SMYD3: variants seen among roughly 807,000 people sequenced by gnomAD.
SMYD3 encodes the protein SET and MYND domain containing 3.
Under a neutral mutation model 57.7 loss-of-function variants are expected in SMYD3, and 36 were observed. That is an observed-to-expected ratio of 0.62 (90% CI 0.48 to 0.82). The LOEUF (loss-of-function observed/expected upper bound fraction) is 0.82, where lower values mean the gene tolerates loss of function less well. Ranked by LOEUF, SMYD3 falls within the 40% of genes least tolerant of loss-of-function variation. SMYD3 has a pLI of 0.00. For synonymous variants in SMYD3, 211 were observed against 195.0 expected (o/e 1.08, Z -0.68); for missense variants, 515 against 538.8 (o/e 0.96, Z 0.44).
At chr1:246,384,988 A>G (rs986468524) in intron 1 of SMYD3, among the ~76,000 whole-genome samples, 3 of 152,214 alleles carry the variant, frequency 2.0e-5, no homozygotes, top group African/African-American at 7.2e-5. Flanking sequence ...CAAATTTATA[A>G]TAAAGAAATC....
At chr1:246,334,903 G>A (rs1299987810) in intron 3 of SMYD3, among the ~76,000 whole-genome samples, 1 of 152,110 alleles carries the variant, frequency 6.6e-6, no homozygotes, top group East Asian at 1.9e-4. Flanking sequence ...GAAGCTGTGA[G>A]GCATCATATG....
intron 10 of SMYD3, among the ~76,000 whole-genome samples, chr1:245,802,640 T>C (rs913965607): frequency 1.3e-5 from 2 of 152,218 alleles, no homozygotes; most frequent in African/African-American, 4.8e-5. Context: ...CAGAGCTTTC[T>C]GGATAATAAG....
chr1:246,231,474 GA>G (rs984587160), intron 5 of SMYD3, among the ~76,000 whole-genome samples: 1 of 152,066 alleles, frequency 6.6e-6, no homozygotes, highest in Admixed American at 6.6e-5. Flanking sequence ...ACAGTATTCA[GA>G]AAAGTTTCTA....
chr1:246,381,840 C>T (rs904125171), intron 1 of SMYD3, among the ~76,000 whole-genome samples: 1 of 152,164 alleles, frequency 6.6e-6, no homozygotes, highest in Admixed American at 6.5e-5. Flanking sequence ...CCAGGCCAAC[C>T]GCAGGCTCCA....
chr1:246,009,112 G>A (rs1324952916), intron 5 of SMYD3, among the ~76,000 whole-genome samples: 7 of 152,082 alleles, frequency 4.6e-5, no homozygotes, highest in Admixed American at 3.3e-4. Flanking sequence ...AAATAATGGT[G>A]GTAAAACCAG....
chr1:245,880,085 C>T (rs750109444), intron 8 of SMYD3, among the ~76,000 whole-genome samples: 7 of 152,196 alleles, frequency 4.6e-5, no homozygotes, highest in African/African-American at 1.2e-4. Context: ...TTGCTGTACA[C>T]GCCAGAGATA....
At chr1:246,373,524 G>A (rs1294752748) in intron 1 of SMYD3, among the ~76,000 whole-genome samples, 1 of 152,092 alleles carries the variant, frequency 6.6e-6, no homozygotes, top group Non-Finnish European at 1.5e-5. Context: ...AACATGAGAA[G>A]CTGACAACTT....
intron 5 of SMYD3, among the ~76,000 whole-genome samples, chr1:246,094,113 C>T (rs974187394): frequency 3.9e-5 from 6 of 152,224 alleles, no homozygotes; most frequent in South Asian, 4.2e-4. Context: ...CTACTCCAGC[C>T]GCTGTCATGG....
intron 1 of SMYD3, among the ~76,000 whole-genome samples, chr1:246,405,909 CAAAA>C (rs372884120): frequency 1.1e-5 from 1 of 87,420 alleles, no homozygotes; most frequent in Admixed American, 1.4e-4. Context: ...GACTCTGTCT[CAAAA>C]AAAAAAAAAA....
intron 1 of SMYD3, among the ~76,000 whole-genome samples, chr1:246,435,198 A>C (rs1246150610): frequency 2.0e-5 from 3 of 152,218 alleles, no homozygotes; most frequent in African/African-American, 4.8e-5. Context: ...GGATTGAAAA[A>C]TTATTGGGTA....
chr1:246,403,687 G>C (rs574148636), intron 1 of SMYD3, among the ~76,000 whole-genome samples: 10 of 152,258 alleles, frequency 6.6e-5, no homozygotes, highest in African/African-American at 2.4e-4. Context: ...ATAAAGTGTG[G>C]TCTATGCTAT....
intron 1 of SMYD3, among the ~76,000 whole-genome samples, chr1:246,381,755 G>T (rs1221271098): frequency 6.6e-6 from 1 of 152,206 alleles, no homozygotes; most frequent in Non-Finnish European, 1.5e-5. Flanking sequence ...AATAACTGTT[G>T]ACACTTTTAG....
chr1:246,503,265 T>G (rs2068484448), intron 1 of SMYD3, among the ~76,000 whole-genome samples: 1 of 152,228 alleles, frequency 6.6e-6, no homozygotes, highest in Admixed American at 6.5e-5. Context: ...TGGGAGGCAC[T>G]AAGCCTCATT....
intron 1 of SMYD3, among the ~76,000 whole-genome samples, chr1:246,503,465 T>G (rs559773831): frequency 1.3e-5 from 2 of 152,312 alleles, no homozygotes; most frequent in South Asian, 4.1e-4. Context: ...TCCCATGTGG[T>G]AGGCCCTGGG....
intron 5 of SMYD3, among the ~76,000 whole-genome samples, chr1:246,218,670 C>T (rs1358354443): frequency 6.6e-6 from 1 of 151,312 alleles, no homozygotes; most frequent in Non-Finnish European, 1.5e-5. Context: ...GACTGGCTGA[C>T]TGCTATGCAA....
chr1:246,066,997 C>T (rs2148369868), intron 5 of SMYD3, among the ~76,000 whole-genome samples: 1 of 152,292 alleles, frequency 6.6e-6, no homozygotes, highest in East Asian at 1.9e-4. Context: ...TAGGAACAGT[C>T]TTTCTTTGAA....
At chr1:246,326,320 C>A in intron 5 of SMYD3, 1 of 674,216 alleles carries the variant, frequency 1.5e-6, no homozygotes, top group South Asian at 1.7e-5. Context: ...ACAGCAGATC[C>A]ATAGCAGTGA....
chr1:245,775,326 G>A (rs1281002101), intron 10 of SMYD3, among the ~76,000 whole-genome samples: 3 of 152,206 alleles, frequency 2.0e-5, no homozygotes, highest in African/African-American at 7.2e-5. Context: ...CTGTGTCTGT[G>A]TAGAAAGTAG....
At chr1:246,193,741 C>CA in intron 5 of SMYD3, 2 of 122,594 alleles carry the variant, frequency 1.6e-5, no homozygotes, top group Middle Eastern at 8.1e-3. Flanking sequence ...AGCACAACAG[C>CA]ACACTTCCTG....
Sources: allele counts gnomAD v4.1 joint callset (sites outside exome capture counted in the v4.1 genomes callset), GRCh38; gene constraint gnomAD v4.1.1; transcripts MANE v1.5; gene names NCBI Gene and HGNC (gene_info 2026-07-23, HGNC 2026-07-21).